The following NSG2 variants were observed in gnomAD, a reference collection of about 807,000 sequenced individuals.
NSG2 encodes neuronal vesicle trafficking-associated protein 2.
NSG2 carries 4 observed loss-of-function variants against 16.9 expected under a neutral mutation model. That is an observed-to-expected ratio of 0.24 (90% CI 0.12 to 0.54). NSG2 has a LOEUF of 0.54. Among genes scored for constraint, NSG2 ranks in the 20% least tolerant of loss-of-function variants. The pLI, the probability that NSG2 is intolerant of heterozygous loss-of-function variation, is 0.95. For synonymous variants in NSG2, 98 were observed against 88.7 expected (o/e 1.11, Z -0.59); for missense variants, 179 against 221.1 (o/e 0.81, Z 1.21).
chr5:174,089,016 C>T (rs796151801), intron 3 of NSG2, among the ~76,000 whole-genome samples: 5 of 152,258 alleles, frequency 3.3e-5, no homozygotes, highest in African/African-American at 1.2e-4. Context: ...AATTGGTAAG[C>T]CCCTTGAAGG....
At chr5:174,076,330 T>A (rs1760342415) in intron 3 of NSG2, among the ~76,000 whole-genome samples, 1 of 147,322 alleles carries the variant, frequency 6.8e-6, no homozygotes, top group South Asian at 2.1e-4. Context: ...TTTCATAGTC[T>A]TTAAAAAAGT....
chr5:174,077,837 C>A (rs1760373758), intron 3 of NSG2, among the ~76,000 whole-genome samples: 3 of 152,138 alleles, frequency 2.0e-5, no homozygotes, highest in Admixed American at 6.6e-5. Context: ...CATTCTGGGG[C>A]CTTGAATACA....
intron 3 of NSG2, among the ~76,000 whole-genome samples, chr5:174,073,176 T>C (rs1760272483): frequency 6.6e-6 from 1 of 152,208 alleles, no homozygotes; most frequent in African/African-American, 2.4e-5. Context: ...CATAACTCTC[T>C]TCCTGATGCC....
intron 3 of NSG2, among the ~76,000 whole-genome samples, chr5:174,091,948 T>C (rs151024230): frequency 1.9e-3 from 295 of 152,334 alleles, no homozygotes; most frequent in African/African-American, 6.6e-3. Flanking sequence ...AGTGAGATGA[T>C]ACTTGTCAAG....
At chr5:174,103,796 C>A (rs1029148601) in intron 3 of NSG2, among the ~76,000 whole-genome samples, 2 of 151,870 alleles carry the variant, frequency 1.3e-5, no homozygotes, top group Non-Finnish European at 2.9e-5. Flanking sequence ...AACCCTGTCT[C>A]TACTAAAAAA....
chr5:174,097,557 CTG>C (rs76826255), intron 3 of NSG2, among the ~76,000 whole-genome samples: 7,499 of 147,758 alleles, frequency 0.051, 255 homozygotes, highest in Non-Finnish European at 0.068. Context: ...CTGTATGTCT[CTG>C]TGTGTGTAAC....
intron 3 of NSG2, among the ~76,000 whole-genome samples, chr5:174,098,638 A>G (rs1274095461): frequency 2.0e-5 from 3 of 152,096 alleles, no homozygotes; most frequent in Non-Finnish European, 4.4e-5. Context: ...GACCACATTC[A>G]GTGCTTGGTT....
At chr5:174,104,049 G>A (rs1760940206) in intron 3 of NSG2, among the ~76,000 whole-genome samples, 179 bp from the exon 4 acceptor site, 1 of 152,136 alleles carries the variant, frequency 6.6e-6, no homozygotes, top group Non-Finnish European at 1.5e-5. Context: ...TCCTGCAGAA[G>A]GGGGAAAGAG....
chr5:174,062,753 G>A (rs1443283373), intron 2 of NSG2: 1 of 152,218 alleles, frequency 6.6e-6, no homozygotes, highest in Non-Finnish European at 1.5e-5. Context: ...GATGTTCCGT[G>A]TATGGTAGCG....
chr5:174,046,689 C>G (rs1383109934), intron 1 of NSG2, 45 bp from the exon 2 acceptor site: 1 of 1,596,670 alleles, frequency 6.3e-7, no homozygotes, highest in Admixed American at 1.7e-5. Flanking sequence ...CCCTCTCTTT[C>G]TGCCTCACCT....
chr5:174,095,189 A>G (rs935090183), intron 3 of NSG2, among the ~76,000 whole-genome samples: 1 of 152,204 alleles, frequency 6.6e-6, no homozygotes, highest in Non-Finnish European at 1.5e-5. Flanking sequence ...GGAGCATGGC[A>G]GACAATATGG....
intron 2 of NSG2, among the ~76,000 whole-genome samples, chr5:174,056,887 G>C (rs540744238): frequency 6.6e-6 from 1 of 152,218 alleles, no homozygotes; most frequent in South Asian, 2.1e-4. Context: ...ACTTTGCACT[G>C]TCTGAACCAC....
intron 3 of NSG2, among the ~76,000 whole-genome samples, chr5:174,076,845 G>A (rs1385140470): frequency 6.6e-6 from 1 of 152,182 alleles, no homozygotes; most frequent in Non-Finnish European, 1.5e-5. Context: ...ACATAGGACA[G>A]CTCCTTACAA....
chr5:174,070,884 G>A (rs941473853), intron 3 of NSG2, among the ~76,000 whole-genome samples: 3 of 152,186 alleles, frequency 2.0e-5, no homozygotes, highest in Non-Finnish European at 4.4e-5. Flanking sequence ...TCCCAGCACT[G>A]GCCTGGCATG....
In NSG2 at chr5:174,108,565, G is replaced by T. The variant is rs1178584394; in HGVS notation, c.*1060G>T. ...CAATGCCAAATCGTTTCTAAAGGAA[G>T]CTGAAAAATGGGACTGTCTTTTGCC... On this transcript the variant is annotated 3_prime_UTR_variant, in exon 5 of 5. Coordinates refer to ENST00000303177, the MANE Select transcript of NSG2 (RefSeq NM_015980.5). 6.6e-6 allele frequency: 1 copy of T among 152,378 alleles called. No homozygotes were observed. Among genetic ancestry groups the T allele is most frequent in the Non-Finnish European group, 1.5e-5 (1 of 68,062 alleles). 9.4% of individuals were successfully genotyped at this position (152,378 alleles called of 1,614,324 possible).
chr5:174,078,926 C>G (rs1419789266), intron 3 of NSG2, among the ~76,000 whole-genome samples: 1 of 152,044 alleles, frequency 6.6e-6, no homozygotes, highest in African/African-American at 2.4e-5. Flanking sequence ...TATAACAGCC[C>G]AAATGGACTA....
intron 2 of NSG2, among the ~76,000 whole-genome samples, chr5:174,059,486 G>A (rs12332754): frequency 0.021 from 3,169 of 152,232 alleles, 123 homozygotes; most frequent in African/African-American, 0.072. Flanking sequence ...TACTTATTTA[G>A]TATTTGGCTA....
At chr5:174,080,695 G>A (rs1484015479) in intron 3 of NSG2, among the ~76,000 whole-genome samples, 1 of 152,022 alleles carries the variant, frequency 6.6e-6, no homozygotes, top group South Asian at 2.1e-4. Flanking sequence ...CTGAGTAGCT[G>A]GGATTACAGG....
At chr5:174,097,472 T>C (rs1260418333) in intron 3 of NSG2, among the ~76,000 whole-genome samples, 1 of 151,260 alleles carries the variant, frequency 6.6e-6, no homozygotes, top group Non-Finnish European at 1.5e-5. Context: ...TGTGTGTGTG[T>C]ATGTGTGTAT....
Sources: allele counts gnomAD v4.1 joint callset (sites outside exome capture counted in the v4.1 genomes callset), GRCh38; gene constraint gnomAD v4.1.1; transcripts MANE v1.5; gene names NCBI Gene and HGNC (gene_info 2026-07-23, HGNC 2026-07-21).